PDSS2: variants seen among roughly 807,000 people sequenced by gnomAD.
PDSS2 encodes the protein decaprenyl diphosphate synthase subunit 2.
Under a neutral mutation model 44.5 loss-of-function variants are expected in PDSS2, and 31 were observed. That is an observed-to-expected ratio of 0.70 (90% CI 0.52 to 0.94). The LOEUF is 0.94. Among genes scored for constraint, PDSS2 ranks in the 40% least tolerant of loss-of-function variants. The pLI is 0.00. For synonymous variants in PDSS2, 157 were observed against 180.3 expected, an observed-to-expected ratio of 0.87 and a Z score of 1.03; for missense variants, 452 against 482.2, an observed-to-expected ratio of 0.94 and a Z score of 0.59.
intron 1 of PDSS2, among the ~76,000 whole-genome samples, chr6:107,390,660 A>G (rs1055059675): frequency 1.4e-4 from 21 of 152,290 alleles, no homozygotes; most frequent in Middle Eastern, 3.4e-3. Flanking sequence ...TAACATGATT[A>G]TATCAGATGT....
At chr6:107,174,082 A>G (rs1278249201) in intron 7 of PDSS2, among the ~76,000 whole-genome samples, 1 of 152,174 alleles carries the variant, frequency 6.6e-6, no homozygotes, top group Non-Finnish European at 1.5e-5. Flanking sequence ...TGTTTAGAAA[A>G]CTATTTTCAG....
At chr6:107,410,093 T>C (rs963296275) in intron 1 of PDSS2, among the ~76,000 whole-genome samples, 2 of 152,164 alleles carry the variant, frequency 1.3e-5, no homozygotes, top group African/African-American at 2.4e-5. Context: ...GGAAGCATGC[T>C]GAATGAATAG....
chr6:107,438,623 G>A (rs74936945), intron 1 of PDSS2, among the ~76,000 whole-genome samples: 5,776 of 152,210 alleles, frequency 0.038, 359 homozygotes, highest in African/African-American at 0.13. Context: ...CGAGACCCAC[G>A]GTTCCTTGAA....
In PDSS2 at chr6:107,452,386, C is replaced by T. The variant is rs147738643; in HGVS notation, c.296+6604G>A. On this transcript the variant is annotated intron_variant, in intron 1 of 7. Transcript: ENST00000369037. ...TAGCTTGAACTACAGGCACCCACCA[C>T]CACACCGGCTAATTTTTGTATTTTT... Among the ~76,000 whole-genome samples, 127 of 152,136 alleles carry T rather than the reference C, an allele frequency of 8.3e-4. 2 individuals are homozygous for T. The East Asian group carries it at 0.024, about 29-fold the overall frequency.
chr6:107,180,999 C>T (rs989728731), intron 7 of PDSS2, among the ~76,000 whole-genome samples: 1 of 152,118 alleles, frequency 6.6e-6, no homozygotes, highest in African/African-American at 2.4e-5. Flanking sequence ...CATGCACCAC[C>T]AAGCCCAGCT....
At chr6:107,249,337 A>G (rs373417046) in intron 3 of PDSS2, among the ~76,000 whole-genome samples, 14 of 152,202 alleles carry the variant, frequency 9.2e-5, no homozygotes, top group African/African-American at 3.1e-4. Context: ...TTGTGTGCCT[A>G]AATATTTTGG....
intron 1 of PDSS2, among the ~76,000 whole-genome samples, chr6:107,396,968 A>G (rs917377791): frequency 6.6e-6 from 1 of 152,148 alleles, no homozygotes; most frequent in Non-Finnish European, 1.5e-5. Context: ...TTGGGGTTAC[A>G]GGTGTAAGCC....
At chr6:107,191,392 T>C (rs926331323) in intron 7 of PDSS2, among the ~76,000 whole-genome samples, 2 of 152,102 alleles carry the variant, frequency 1.3e-5, no homozygotes, top group Non-Finnish European at 2.9e-5. Flanking sequence ...CAAGAAAATG[T>C]AGGCTATAAA....
intron 1 of PDSS2, among the ~76,000 whole-genome samples, chr6:107,420,672 T>C (rs993599184): frequency 2.0e-5 from 3 of 152,112 alleles, no homozygotes; most frequent in Admixed American, 1.3e-4. Context: ...GCACACCGCA[T>C]ACAAAGATCA....
At chr6:107,235,089 A>G (rs964036428) in intron 4 of PDSS2, among the ~76,000 whole-genome samples, 2 of 152,216 alleles carry the variant, frequency 1.3e-5, no homozygotes, top group Non-Finnish European at 2.9e-5. Context: ...TAATTGTTCT[A>G]GCTTCTGCCT....
intron 6 of PDSS2, among the ~76,000 whole-genome samples, chr6:107,206,527 G>A (rs117895128): frequency 6.6e-6 from 1 of 152,312 alleles, no homozygotes; most frequent in Non-Finnish European, 1.5e-5. Context: ...GAGAGAATGT[G>A]ATTAAGTTTA....
intron 1 of PDSS2, among the ~76,000 whole-genome samples, chr6:107,382,026 T>TTA (rs1779469307): frequency 6.6e-6 from 1 of 152,192 alleles, no homozygotes; most frequent in Non-Finnish European, 1.5e-5. Context: ...ATGGGGAGCC[T>TTA]CTGAAGAATT....
At chr6:107,404,899 G>A (rs1480772224) in intron 1 of PDSS2, among the ~76,000 whole-genome samples, 6 of 152,148 alleles carry the variant, frequency 3.9e-5, no homozygotes, top group Admixed American at 2.6e-4. Flanking sequence ...ATTCTAACAA[G>A]AGATTTAGAC....
intron 2 of PDSS2, among the ~76,000 whole-genome samples, chr6:107,320,147 C>T (rs1471866365): frequency 6.6e-6 from 1 of 152,148 alleles, no homozygotes; most frequent in East Asian, 1.9e-4. Flanking sequence ...GAAAAGTCTG[C>T]CAGCTTTCTA....
chr6:107,271,418 C>G (rs1263347115), intron 3 of PDSS2, among the ~76,000 whole-genome samples: 1 of 152,184 alleles, frequency 6.6e-6, no homozygotes, highest in Non-Finnish European at 1.5e-5. Context: ...CTACTTGCTC[C>G]CTAGCAGAGC....
intron 2 of PDSS2, among the ~76,000 whole-genome samples, chr6:107,284,258 T>C (rs1776066064): frequency 2.0e-5 from 3 of 152,154 alleles, no homozygotes; most frequent in Non-Finnish European, 2.9e-5. Flanking sequence ...CACTTTGTCA[T>C]TTTTAACAGC....
intron 1 of PDSS2, among the ~76,000 whole-genome samples, chr6:107,400,487 T>G (rs1198967452): frequency 1.3e-5 from 2 of 152,110 alleles, no homozygotes; most frequent in African/African-American, 4.8e-5. Flanking sequence ...GGCCGCAGTT[T>G]TTGTCCTGGG....
At chr6:107,226,466 T>C (rs1489767734) in intron 4 of PDSS2, among the ~76,000 whole-genome samples, 1 of 151,832 alleles carries the variant, frequency 6.6e-6, no homozygotes, top group Non-Finnish European at 1.5e-5. Flanking sequence ...AAAGGAAACA[T>C]AAATAAGGGG....
At chr6:107,368,920 CGA>C (rs1368259391) in intron 1 of PDSS2, among the ~76,000 whole-genome samples, 1 of 152,108 alleles carries the variant, frequency 6.6e-6, no homozygotes, top group Non-Finnish European at 1.5e-5. Flanking sequence ...CCTGAACTTA[CGA>C]TAAAGCTACA....
Sources: allele counts gnomAD v4.1 joint callset (sites outside exome capture counted in the v4.1 genomes callset), GRCh38; gene constraint gnomAD v4.1.1; transcripts MANE v1.5; gene names NCBI Gene and HGNC (gene_info 2026-07-23, HGNC 2026-07-21).